Variants in ZFYVE9 observed in about 807,000 individuals in gnomAD.
The protein encoded by ZFYVE9 is zinc finger FYVE domain-containing protein 9.
A neutral mutation model predicts 126.7 loss-of-function variants in ZFYVE9; 43 were observed. The observed-to-expected ratio is 0.34, with a 90% CI of 0.27 to 0.44. The LOEUF (loss-of-function observed/expected upper bound fraction) is 0.44, where lower values mean the gene tolerates loss of function less well. Ranked by LOEUF, ZFYVE9 falls within the 20% of genes least tolerant of loss-of-function variation. The probability of loss-of-function intolerance (pLI) is 1.00; values close to 1 mark genes in which losing one functional copy is unlikely to be tolerated. For synonymous variants in ZFYVE9, 521 were observed against 597.4 expected (o/e 0.87, Z 1.87); for missense variants, 1,476 against 1,697.0 (o/e 0.87, Z 2.29).
intron 4 of ZFYVE9, 115 bp downstream of exon 4, chr1:52,239,710 C>G: frequency 3.4e-6 from 4 of 1,193,690 alleles, no homozygotes; most frequent in Non-Finnish European, 4.5e-6. Context: ...ACCTAAATAG[C>G]ATTTTTGAAA....
In ZFYVE9 at chr1:52,238,367, T is replaced by A; in HGVS notation, c.950T>A (p.Ile317Asn). Reference sequence around the variant, plus strand: ...TCCTTTTCCCACATGAGTGAGGGGATTTTGATGAAAAAAGAGCCAGCAGAG... The same window carrying A: ...TCCTTTTCCCACATGAGTGAGGGGAATTTGATGAAAAAAGAGCCAGCAGAG... ...PNSFSHMSEG[I>N]LMKKEPAEES... Residue 317 changes from isoleucine to asparagine, a missense_variant, in exon 4 of 19, where the codon ATT becomes AAT. This residue lies in a region of ZFYVE9 where 807 missense variants were observed against 794.6 expected (regional missense o/e 1.02). Transcript: ENST00000287727. The A allele has an allele frequency of 6.2e-7, 1 of 1,613,708 alleles. No homozygotes were observed. The highest frequency in any genetic ancestry group is 8.5e-7 in the Non-Finnish European group (1 of 1,179,940).
Position 52,174,323 on chromosome 1 carries a change from T to A in ZFYVE9, c.-143+31920T>A, listed in dbSNP as rs932690436. On this transcript the variant is annotated intron_variant, in intron 1 of 18. Coordinates refer to ENST00000287727, the MANE Select transcript of ZFYVE9 (RefSeq NM_004799.4). ...ATGTAGTTGAGTGGTTTTGAGTGAG[T>A]TTCTTAATCCTGAGTTCTAGTTTGA... 3.4e-4 allele frequency among the ~76,000 whole-genome samples: 51 copies of A among 151,340 alleles called. No individual in the cohort carries two copies. The Middle Eastern group carries it at 0.01, about 30-fold the overall frequency.
intron 9 of ZFYVE9, among the ~76,000 whole-genome samples, chr1:52,280,941 C>T (rs577354903): frequency 1.3e-5 from 2 of 151,906 alleles, no homozygotes; most frequent in Admixed American, 6.6e-5. Context: ...TTACTTCCTT[C>T]GATGATGTGA....
intron 13 of ZFYVE9, among the ~76,000 whole-genome samples, chr1:52,315,461 A>G (rs1475693297): frequency 1.3e-5 from 2 of 152,202 alleles, no homozygotes; most frequent in Admixed American, 6.5e-5. Flanking sequence ...ATAGTAATGT[A>G]TTGCGGAATT....
At chr1:52,325,913 T>C (rs964816932) in intron 13 of ZFYVE9, among the ~76,000 whole-genome samples, 10 of 152,244 alleles carry the variant, frequency 6.6e-5, no homozygotes, top group African/African-American at 1.9e-4. Flanking sequence ...TTAGGTGTTA[T>C]AACTCTTCAC....
intron 3 of ZFYVE9, among the ~76,000 whole-genome samples, chr1:52,236,951 T>C (rs1645278304): frequency 6.6e-6 from 1 of 152,196 alleles, no homozygotes; most frequent in Non-Finnish European, 1.5e-5. Flanking sequence ...TTCTTATTTT[T>C]TTTAACAGCT....
At chr1:52,298,777 T>C (rs1404583635) in intron 12 of ZFYVE9, among the ~76,000 whole-genome samples, 2 of 151,666 alleles carry the variant, frequency 1.3e-5, no homozygotes, top group East Asian at 3.9e-4. Context: ...TTCCAATCCA[T>C]GAACATGGAA....
At chr1:52,212,949 C>T (rs1242291092) in intron 1 of ZFYVE9, among the ~76,000 whole-genome samples, 3 of 152,168 alleles carry the variant, frequency 2.0e-5, no homozygotes, top group African/African-American at 4.8e-5. Context: ...TTGTTTTCCT[C>T]TCATGTATCT....
chr1:52,238,016 A>G lies in ZFYVE9; in HGVS notation c.599A>G (p.Asn200Ser), dbSNP rs1645291894. The G allele has an allele frequency of 6.2e-7, 1 of 1,613,882 alleles. No homozygotes were observed. Among genetic ancestry groups the G allele is most frequent in the African/African-American group, 1.3e-5 (1 of 74,932 alleles). The part of the protein sequence containing the change: ...RQTDQFSFSI[N>S]ESTEKDMNSE... Reference sequence around the variant, plus strand: ...ACTGATCAATTTAGTTTTAGTATAAATGAGTCCACTGAAAAAGATATGAAT... The same window carrying G: ...ACTGATCAATTTAGTTTTAGTATAAGTGAGTCCACTGAAAAAGATATGAAT... Residue 200 changes from asparagine (N) to serine (S), a missense_variant, in exon 4 of 19, where the codon AAT (asparagine) becomes AGT (serine). This residue lies in a region of ZFYVE9 where 807 missense variants were observed against 794.6 expected (regional missense o/e 1.02). Transcript: ENST00000287727.
chr1:52,337,256 A>G (rs1208887790), intron 15 of ZFYVE9, among the ~76,000 whole-genome samples: 1 of 152,212 alleles, frequency 6.6e-6, no homozygotes, highest in Non-Finnish European at 1.5e-5. Flanking sequence ...TCTGTTGGTT[A>G]TCTGGTAGCC....
intron 2 of ZFYVE9, among the ~76,000 whole-genome samples, chr1:52,221,327 G>T (rs1194700253): frequency 6.6e-6 from 1 of 152,138 alleles, no homozygotes; most frequent in African/African-American, 2.4e-5. Flanking sequence ...CTTAGATCCA[G>T]TCTGACTCTA....
chr1:52,164,567 G>A (rs946984627), intron 1 of ZFYVE9, among the ~76,000 whole-genome samples: 2 of 151,774 alleles, frequency 1.3e-5, no homozygotes, highest in African/African-American at 2.4e-5. Context: ...TGTTTGCACC[G>A]AGCCAACAAT....
intron 1 of ZFYVE9, among the ~76,000 whole-genome samples, chr1:52,174,111 G>T (rs1220824433): frequency 1.3e-5 from 2 of 152,054 alleles, no homozygotes; most frequent in Non-Finnish European, 2.9e-5. Flanking sequence ...GTCAATTTTG[G>T]ATCTTTCCTG....
At chr1:52,165,635 CAG>C (rs1294569535) in intron 1 of ZFYVE9, among the ~76,000 whole-genome samples, 1 of 152,144 alleles carries the variant, frequency 6.6e-6, no homozygotes, top group Non-Finnish European at 1.5e-5. Context: ...CTGCTTCAAT[CAG>C]AGCACTTTTC....
At chr1:52,166,461 A>C (rs1644514566) in intron 1 of ZFYVE9, among the ~76,000 whole-genome samples, 1 of 152,216 alleles carries the variant, frequency 6.6e-6, no homozygotes, top group Admixed American at 6.5e-5. Context: ...GTTTTTATAA[A>C]TTCAACAACC....
intron 10 of ZFYVE9, 116 bp downstream of exon 10, chr1:52,281,932 T>G: frequency 4.3e-6 from 5 of 1,154,090 alleles, no homozygotes; most frequent in Non-Finnish European, 6.3e-6. Context: ...GACTTTGATA[T>G]TAGTGGCAAG....
rs1243333051 is a variant in ZFYVE9 at position 52,316,912 on chromosome 1, A to G, written c.3438+12987A>G. ...CACATTCATTTCCAGTGCACACAGA[A>G]CATTTACAAAATAGACCATTTTCTG... On this transcript the variant is annotated intron_variant, in intron 13 of 18. Transcript: ENST00000287727. Among the ~76,000 whole-genome samples the G allele has an allele frequency of 2.6e-5, 4 of 152,236 alleles. No individual in the cohort carries two copies. The East Asian group carries it at 7.7e-4, about 29-fold the overall frequency.
At chr1:52,164,658 A>G (rs535674148) in intron 1 of ZFYVE9, among the ~76,000 whole-genome samples, 1 of 152,020 alleles carries the variant, frequency 6.6e-6, no homozygotes, top group Non-Finnish European at 1.5e-5. Context: ...CCGTCCATCC[A>G]TCCATCCATC....
intron 1 of ZFYVE9, among the ~76,000 whole-genome samples, chr1:52,181,812 G>A (rs180713144): frequency 0.054 from 8,085 of 150,744 alleles, 598 homozygotes; most frequent in African/African-American, 0.16. Context: ...CTGGCTGGCC[G>A]CCCCGTCTGA....
Sources: gnomAD v4.1 joint callset for allele counts (sites outside exome capture counted in the v4.1 genomes callset) on GRCh38, gnomAD v4.1.1 for gene constraint, gnomAD v4.1.1 regional missense constraint, MANE v1.5 for transcripts, NCBI Gene and HGNC (gene_info 2026-07-23, HGNC 2026-07-21) for gene names.